DNAJC3: variants seen among roughly 807,000 people sequenced by gnomAD.
DNAJC3 encodes the protein dnaJ homolog subfamily C member 3.
A neutral mutation model predicts 68.6 loss-of-function variants in DNAJC3; 38 were observed. The ratio of observed to expected loss-of-function variants is 0.55; its 90% CI spans 0.43 to 0.73. The LOEUF is 0.73. Ranked by LOEUF, DNAJC3 falls within the 30% of genes least tolerant of loss-of-function variation. The pLI is 0.00. For missense variants in DNAJC3, 526 were observed against 591.9 expected, an observed-to-expected ratio of 0.89 and a Z score of 1.16; for synonymous variants, 203 against 204.0, an observed-to-expected ratio of 1.00 and a Z score of 0.04.
intron 1 of DNAJC3, among the ~76,000 whole-genome samples, chr13:95,681,071 T>C (rs1260701525): frequency 6.6e-6 from 1 of 152,242 alleles, no homozygotes; most frequent in Non-Finnish European, 1.5e-5. Flanking sequence ...CTTTTGCTTT[T>C]GAGTTTACAG....
At chr13:95,705,520 C>CTT (rs1174965850) in intron 1 of DNAJC3, among the ~76,000 whole-genome samples, 1 of 142,060 alleles carries the variant, frequency 7.0e-6, no homozygotes. Context: ...CTCTCTCTCT[C>CTT]TTTTTTTTTT....
Position 95,791,019 on chromosome 13 carries a change from C to T in DNAJC3, c.1504C>T (p.His502Tyr), listed in dbSNP as rs528830344. The change falls in exon 12 of 12, where the codon CAC becomes TAC. Residue 502 changes from histidine (H) to tyrosine (Y), a missense_variant. Physicochemically the swap from His to Tyr is moderately conservative, Grantham distance 83. Coordinates refer to ENST00000602402, the MANE Select transcript of DNAJC3 (RefSeq NM_006260.5). ...SSGGPFRFKF[H>Y]FN Reference sequence around the variant, plus strand: ...AGGCGGACCATTTAGATTTAAATTCCACTTCAATTAAACCAACTGTTTTTC... The same window carrying T: ...AGGCGGACCATTTAGATTTAAATTCTACTTCAATTAAACCAACTGTTTTTC... 1.9e-6 allele frequency: 3 copies of T among 1,613,610 alleles called. No homozygotes were observed. Among genetic ancestry groups the T allele is most frequent in the Non-Finnish European group, 2.5e-6 (3 of 1,179,880 alleles).
chr13:95,736,353 G>A (rs1366627220), intron 4 of DNAJC3, among the ~76,000 whole-genome samples: 1 of 150,464 alleles, frequency 6.6e-6, no homozygotes, highest in Non-Finnish European at 1.5e-5. Context: ...TTCCAATTCT[G>A]TGAAGAAAGT....
intron 1 of DNAJC3, among the ~76,000 whole-genome samples, chr13:95,705,888 C>T (rs1880726439): frequency 6.6e-6 from 1 of 152,140 alleles, no homozygotes; most frequent in Non-Finnish European, 1.5e-5. Context: ...TCTAGGCCCT[C>T]TCATGGACAT....
At chr13:95,687,768 G>T (rs139673210) in intron 1 of DNAJC3, among the ~76,000 whole-genome samples, 97 of 152,136 alleles carry the variant, frequency 6.4e-4, no homozygotes, top group Non-Finnish European at 2.9e-5. Context: ...TTCTTTTTTG[G>T]TTTTATATGA....
chr13:95,719,854 T>C (rs1881263674), intron 2 of DNAJC3, among the ~76,000 whole-genome samples: 1 of 152,176 alleles, frequency 6.6e-6, no homozygotes, highest in Non-Finnish European at 1.5e-5. Context: ...TCTGTGGAGA[T>C]TTTTTCTTCA....
chr13:95,768,035 A>G (rs980415347), intron 9 of DNAJC3, among the ~76,000 whole-genome samples: 4 of 151,990 alleles, frequency 2.6e-5, no homozygotes, highest in East Asian at 1.9e-4. Context: ...TGTTTTTTCA[A>G]TAGTAGCCAT....
chr13:95,736,837 G>T (rs962936628), intron 4 of DNAJC3, among the ~76,000 whole-genome samples: 31 of 147,596 alleles, frequency 2.1e-4, no homozygotes, highest in Admixed American at 1.4e-3. Context: ...AATTGCCCTG[G>T]CCAGAACTTC....
At chr13:95,727,248 T>C (rs1229683990) in intron 4 of DNAJC3, among the ~76,000 whole-genome samples, 1 of 152,172 alleles carries the variant, frequency 6.6e-6, no homozygotes, top group Non-Finnish European at 1.5e-5. Context: ...TAATTTAGGA[T>C]ATAGTTTTAG....
At chr13:95,777,651 C>T (rs1238771276) in intron 9 of DNAJC3, among the ~76,000 whole-genome samples, 1 of 152,104 alleles carries the variant, frequency 6.6e-6, no homozygotes, top group Non-Finnish European at 1.5e-5. Context: ...ATATATCTGA[C>T]ATCAGTTTTC....
chr13:95,677,847 C>T (rs1879804476), intron 1 of DNAJC3, among the ~76,000 whole-genome samples: 1 of 152,194 alleles, frequency 6.6e-6, no homozygotes, highest in Non-Finnish European at 1.5e-5. Context: ...AGTGTGTAAC[C>T]ATCCCCATTA....
intron 1 of DNAJC3, among the ~76,000 whole-genome samples, chr13:95,682,513 A>C (rs1198159194): frequency 6.6e-6 from 1 of 152,146 alleles, no homozygotes; most frequent in Non-Finnish European, 1.5e-5. Context: ...GCTCTCCAAA[A>C]TATAAGATAT....
intron 2 of DNAJC3, among the ~76,000 whole-genome samples, chr13:95,712,200 G>A (rs750262856): frequency 1.3e-5 from 2 of 151,792 alleles, no homozygotes; most frequent in Non-Finnish European, 2.9e-5. Flanking sequence ...AAACAGTTTG[G>A]GAATCTGTAT....
chr13:95,688,927 GGTGTGTGTGTGTGT>G (rs57546561), intron 1 of DNAJC3, among the ~76,000 whole-genome samples: 177 of 129,670 alleles, frequency 1.4e-3, no homozygotes, highest in Non-Finnish European at 2.5e-3. Context: ...TGATTGTGTG[GGTGTGTGTGTGTGT>G]GTGTGTGTGT....
intron 1 of DNAJC3, among the ~76,000 whole-genome samples, chr13:95,698,406 T>G (rs1880504296): frequency 6.6e-6 from 1 of 152,210 alleles, no homozygotes. Flanking sequence ...GCGAGATAGC[T>G]GGATAGAGCT....
intron 4 of DNAJC3, among the ~76,000 whole-genome samples, chr13:95,741,650 T>C (rs1882148643): frequency 1.3e-5 from 2 of 151,958 alleles, no homozygotes; most frequent in Non-Finnish European, 2.9e-5. Context: ...GACAGTAGCA[T>C]TGGTGGGACA....
intron 5 of DNAJC3, 92 bp downstream of exon 5, chr13:95,757,888 G>T: frequency 7.5e-7 from 1 of 1,334,772 alleles, no homozygotes. Context: ...CAAAGACCTA[G>T]ACAGGAGAAA....
intron 4 of DNAJC3, among the ~76,000 whole-genome samples, chr13:95,752,102 A>G: frequency 6.6e-6 from 1 of 152,162 alleles, no homozygotes; most frequent in East Asian, 1.9e-4. Context: ...TTCCTGCTTC[A>G]TTAGTTATGA....
At chr13:95,762,367 G>A (rs58636515) in intron 7 of DNAJC3, among the ~76,000 whole-genome samples, 2,284 of 152,068 alleles carry the variant, frequency 0.015, 61 homozygotes, top group African/African-American at 0.052. Context: ...ACCTGTTGGC[G>A]TTTCTGCATT....
Sources: gnomAD v4.1 joint callset for allele counts (sites outside exome capture counted in the v4.1 genomes callset) on GRCh38, gnomAD v4.1.1 for gene constraint, MANE v1.5 for transcripts, NCBI Gene and HGNC (gene_info 2026-07-23, HGNC 2026-07-21) for gene names.